Variants in PENK observed in about 807,000 individuals in gnomAD.
PENK encodes the protein proenkephalin-A.
PENK carries 25 observed loss-of-function variants against 24.1 expected under a neutral mutation model. The ratio of observed to expected loss-of-function variants is 1.04; its 90% confidence interval spans 0.76 to 1.45. PENK has a LOEUF of 1.45. Among genes scored for constraint, PENK ranks in the 40% most tolerant of loss-of-function variants. The pLI is 0.00. For synonymous variants in PENK, 135 were observed against 130.3 expected, an observed-to-expected ratio of 1.04 and a Z score of -0.24; for missense variants, 353 against 337.9, an observed-to-expected ratio of 1.04 and a Z score of -0.35.
chr8:56,444,690 C>T (rs1804621424), intron 3 of PENK, among the ~76,000 whole-genome samples: 1 of 152,164 alleles, frequency 6.6e-6, no homozygotes, highest in Admixed American at 6.5e-5. Flanking sequence ...TAGCACAGGT[C>T]AAAGAAACAA....
At chr8:56,442,978 GT>G (rs1235729421) in intron 3 of PENK, among the ~76,000 whole-genome samples, 2 of 151,970 alleles carry the variant, frequency 1.3e-5, no homozygotes, top group Non-Finnish European at 1.5e-5. Context: ...CATTTCAGGA[GT>G]TTTTTACAGC....
Position 56,441,292 on chromosome 8 carries a change from C to A in PENK, c.784G>T (p.Gly262Ter), listed in dbSNP as rs145406179. ...KEVPEMEKRY[G>*]GFMRF The stretch of plus-strand genomic sequence containing the variant: ...AGATATTAAAATCTCATAAATCCTC[C>A]GTATCTTTTTTCCATTTCAGGAACT... The change falls in exon 4 of 4, where the codon GGA (glycine) becomes TGA (stop). Residue 262 changes from glycine to a stop codon, truncating the protein, a stop_gained. Transcript: ENST00000451791. LOFTEE classifies it high-confidence loss of function. 4 of 1,605,266 alleles carry A rather than the reference C, an allele frequency of 2.5e-6. No individual in the cohort carries two copies. The South Asian group carries it at 4.4e-5, about 18-fold the overall frequency.
At position 56,445,857 on chromosome 8, in the gene PENK, A is replaced by G. The variant is rs746739596; in HGVS notation, c.97T>C (p.Cys33Arg). ...RAECSQDCAT[C>R]SYRLVRPADI... The stretch of plus-strand genomic sequence containing the variant: ...GCCGGGCGCACTAGGCGGTAGCTGC[A>G]CGTCGCGCAATCCTGGCTGCATTCG... The change falls in exon 3 of 4, where the codon TGC becomes CGC. Residue 33 changes from cysteine to arginine, a missense_variant. Transcript: ENST00000451791. The G allele has an allele frequency of 1.9e-6, 3 of 1,613,314 alleles. No individual in the cohort carries two copies. The Admixed American group carries it at 5.0e-5, about 27-fold the overall frequency.
intron 2 of PENK, 111 bp from the exon 3 acceptor site, chr8:56,446,067 G>A: frequency 4.0e-6 from 5 of 1,249,456 alleles, no homozygotes; most frequent in Non-Finnish European, 5.5e-6. Context: ...GCAAAAGCCC[G>A]CAGGAATGCT....
In PENK at chr8:56,441,426, A is replaced by G. The variant is rs1196647458; in HGVS notation, c.650T>C (p.Val217Ala). The stretch of plus-strand genomic sequence containing the variant: ...GTCCATCCACCACTCTGGGCGACCT[A>G]CTCTTCTCATGAAGCCCCCATATCG... ...QKRYGGFMRR[V>A]GRPEWWMDYQ... Residue 217 changes from valine to alanine, a missense_variant, in exon 4 of 4, where the codon GTA becomes GCA. Coordinates refer to ENST00000451791, the MANE Select transcript of PENK (RefSeq NM_001135690.3). The G allele has an allele frequency of 6.2e-7, 1 of 1,613,770 alleles. No individual in the cohort carries two copies. The highest frequency in any genetic ancestry group is 1.1e-5 in the South Asian group (1 of 91,062).
At chr8:56,444,370 C>A (rs1217021964) in intron 3 of PENK, among the ~76,000 whole-genome samples, 2 of 152,220 alleles carry the variant, frequency 1.3e-5, no homozygotes, top group Non-Finnish European at 2.9e-5. Flanking sequence ...GAGCCCCTGA[C>A]ATGTTGAGCA....
intron 3 of PENK, 27 bp downstream of exon 3, chr8:56,445,789 G>GC: frequency 6.2e-7 from 1 of 1,613,056 alleles, no homozygotes; most frequent in Non-Finnish European, 8.5e-7. Flanking sequence ...CACAAGGTGC[G>GC]CAACACTCGC....
chr8:56,445,718 C>A lies in PENK; in HGVS notation c.138+98G>T, dbSNP rs554539595. On this transcript the variant is annotated intron_variant, in intron 3 of 3. Coordinates refer to ENST00000451791, the MANE Select transcript of PENK (RefSeq NM_001135690.3). ...GCTGCGGCTCCGACCCGGTGCGAACCGCCATACGCGCCGCGCGGTGGGCCG... is the reference window on the plus strand; with the variant it reads ...GCTGCGGCTCCGACCCGGTGCGAACAGCCATACGCGCCGCGCGGTGGGCCG... 3.3e-6 allele frequency: 5 copies of A among 1,514,620 alleles called. No individual in the cohort carries two copies. In the Admixed American group the frequency reaches 5.0e-5, roughly 15 times the overall value. 93.8% of individuals were successfully genotyped at this position (1,514,620 alleles called of 1,614,324 possible).
chr8:56,441,177 C>A lies in PENK; in HGVS notation c.*95G>T. 1.2e-6 allele frequency: 1 copy of A among 845,300 alleles called. No homozygotes were observed. The allele number at this position is 845,300 out of a possible 1,614,324, so 52.4% of individuals were successfully genotyped here. A position where few individuals can be genotyped will look rare whatever the true frequency, so the allele number is the denominator to read the frequency against. ...AGACAATGAAGTCAACTATACAAGG[C>A]AAGCAACACATGACAATAAAACACC... On this transcript the variant is annotated 3_prime_UTR_variant, in exon 4 of 4. Transcript: ENST00000451791.
At position 56,441,847 on chromosome 8, in the gene PENK, G is replaced by A. The variant is rs148519224; in HGVS notation, c.229C>T (p.Pro77Ser). 6.2e-7 allele frequency: 1 copy of A among 1,614,026 alleles called. No individual in the cohort carries two copies. Among genetic ancestry groups the A allele is most frequent in the South Asian group, 1.1e-5 (1 of 91,076 alleles). ...ELLQLSKPELPQDGTSTLREN... is the reference protein window; with the variant it reads ...ELLQLSKPELSQDGTSTLREN... The stretch of plus-strand genomic sequence containing the variant: ...CTGAGGGTGCTGGTGCCATCTTGAG[G>A]AAGCTCTGGTTTGGACAGCTGCAGG... The change falls in exon 4 of 4, where the codon CCT becomes TCT. Residue 77 changes from proline to serine, a missense_variant. Physicochemically the swap from Pro to Ser is moderately conservative, Grantham distance 74 (BLOSUM62 -1). Coordinates refer to ENST00000451791, the MANE Select transcript of PENK (RefSeq NM_001135690.3).
At position 56,441,583 on chromosome 8, in the gene PENK, C is replaced by G. The variant is rs747040304; in HGVS notation, c.493G>C (p.Asp165His). 3 of 1,614,040 alleles carry G rather than the reference C, an allele frequency of 1.9e-6. No homozygotes were observed. In the South Asian group the frequency reaches 3.3e-5, roughly 18 times the overall value. ...TGGTGGTGGCTACGCTCTCGGTTGTCCCCTGTTTCCAGAAGCTCTTTTAGC... is the reference window on the plus strand; with the variant it reads ...TGGTGGTGGCTACGCTCTCGGTTGTGCCCTGTTTCCAGAAGCTCTTTTAGC... ...DLLKELLETGDNRERSHHQDG... is the reference protein window; with the variant it reads ...DLLKELLETGHNRERSHHQDG... The change falls in exon 4 of 4, where the codon GAC becomes CAC. Residue 165 changes from aspartate to histidine, a missense_variant. Coordinates refer to ENST00000451791, the MANE Select transcript of PENK (RefSeq NM_001135690.3).
In PENK at chr8:56,445,797, C is replaced by A. The variant is rs201829916; in HGVS notation, c.138+19G>T. 8 of 1,613,244 alleles carry A rather than the reference C, an allele frequency of 5.0e-6. No homozygotes were observed. Among genetic ancestry groups the A allele is most frequent in the Non-Finnish European group, 6.8e-6 (8 of 1,179,822 alleles). On this transcript the variant is annotated intron_variant, in intron 3 of 3. Transcript: ENST00000451791. ...TCTGTCTCACAAGGTGCGCAACACT[C>A]GCCGCGCGCAACACTCACCAGGAAG...
At chr8:56,442,214 A>T (rs898566881) in intron 3 of PENK, among the ~76,000 whole-genome samples, 2 of 152,152 alleles carry the variant, frequency 1.3e-5, no homozygotes, top group African/African-American at 2.4e-5. Flanking sequence ...TTAAAAAAAA[A>T]TTTTCCATGC....
At chr8:56,442,858 T>A (rs1043989740) in intron 3 of PENK, among the ~76,000 whole-genome samples, 1 of 145,062 alleles carries the variant, frequency 6.9e-6, no homozygotes, top group Non-Finnish European at 1.5e-5. Context: ...TCATTGTAAG[T>A]CTATACATTC....
At position 56,445,960 on chromosome 8, in the gene PENK, C is replaced by A; in HGVS notation, c.-3-4G>T. 2 of 1,596,606 alleles carry A rather than the reference C, an allele frequency of 1.3e-6. No individual in the cohort carries two copies. Among genetic ancestry groups the A allele is most frequent in the Non-Finnish European group, 8.5e-7 (1 of 1,169,724 alleles). On this transcript the variant is annotated splice_polypyrimidine_tract_variant and splice_region_variant and intron_variant, in intron 2 of 3. Transcript: ENST00000451791. ...GTGTCAGGAACCGCGCCATGGACTG[C>A]GAGGAGAGAGGGACGCGTGCTTCGA...
chr8:56,445,749 AGTCCGCGTACTGTTGCGGAAACTCT>A, intron 3 of PENK, 42 bp downstream of exon 3: 1 of 1,596,752 alleles, frequency 6.3e-7, no homozygotes, highest in East Asian at 2.2e-5. Flanking sequence ...GGCCGGAGGC[AGTCCGCGTACTGTTGCGGAAACTCT>A]GTCTCACAAG....
At position 56,441,251 on chromosome 8, in the gene PENK, G is replaced by C. The variant is rs778076949; in HGVS notation, c.*21C>G. 2.0e-6 allele frequency: 3 copies of C among 1,523,968 alleles called. No homozygotes were observed. Among genetic ancestry groups the C allele is most frequent in the African/African-American group, 2.8e-5 (2 of 72,450 alleles). 94.4% of individuals were successfully genotyped at this position (1,523,968 alleles called of 1,614,324 possible). A position where few individuals can be genotyped will look rare whatever the true frequency, so the allele number is the denominator to read the frequency against. On this transcript the variant is annotated 3_prime_UTR_variant, in exon 4 of 4. Coordinates refer to ENST00000451791, the MANE Select transcript of PENK (RefSeq NM_001135690.3). ...TGGAGGGAGGCTTGCTGGGGCCTGG[G>C]GCCACTAGTGGGAAAAGATATTAAA...
Position 56,441,085 on chromosome 8 carries a change from C to A in PENK, c.*187G>T. The A allele has an allele frequency of 1.7e-6, 1 of 580,780 alleles. No individual in the cohort carries two copies. The highest frequency in any genetic ancestry group is 3.1e-6 in the Non-Finnish European group (1 of 326,962). The allele number at this position is 580,780 out of a possible 1,614,324, so 36.0% of individuals were successfully genotyped here. A position where few individuals can be genotyped will look rare whatever the true frequency, so the allele number is the denominator to read the frequency against. ...ACGAGATAGCTGCAATAGACTAATACTGAGCTTAAAGACTCCAAAAAGAGC... is the reference window on the plus strand; with the variant it reads ...ACGAGATAGCTGCAATAGACTAATAATGAGCTTAAAGACTCCAAAAAGAGC... On this transcript the variant is annotated 3_prime_UTR_variant, in exon 4 of 4. Coordinates refer to ENST00000451791, the MANE Select transcript of PENK (RefSeq NM_001135690.3).
At chr8:56,443,826 A>G (rs1345462622) in intron 3 of PENK, 12 of 552,392 alleles carry the variant, frequency 2.2e-5, no homozygotes, top group Non-Finnish European at 3.9e-5. Context: ...ATTATGCAAA[A>G]TGCCTTTCTA....
Sources: allele counts gnomAD v4.1 joint callset (sites outside exome capture counted in the v4.1 genomes callset), GRCh38; gene constraint gnomAD v4.1.1; transcripts MANE v1.5; gene names NCBI Gene and HGNC (gene_info 2026-07-23, HGNC 2026-07-21).